HIVEP1: variants seen among roughly 807,000 people sequenced by gnomAD.
HIVEP1 encodes the protein HIVEP zinc finger 1.
In HIVEP1, 36 loss-of-function variants were observed where a neutral mutation model predicts 180.0. The ratio of observed to expected loss-of-function variants is 0.20; its 90% CI spans 0.15 to 0.26. The LOEUF (loss-of-function observed/expected upper bound fraction) is 0.26. Ranked by LOEUF, HIVEP1 falls within the 10% of genes least tolerant of loss-of-function variation. The pLI, the probability that HIVEP1 is intolerant of heterozygous loss-of-function variation, is 1.00. For missense variants in HIVEP1, 3,143 were observed against 3,268.7 expected (o/e 0.96, Z 0.94); for synonymous variants, 1,239 against 1,239.0 (o/e 1.00, Z 0.00).
intron 7 of HIVEP1, among the ~76,000 whole-genome samples, chr6:12,154,588 A>T (rs1490677136): frequency 1.3e-5 from 2 of 151,726 alleles, no homozygotes; most frequent in Non-Finnish European, 2.9e-5. Context: ...ATAGAATTGT[A>T]TGTTCATCAC....
intron 2 of HIVEP1, among the ~76,000 whole-genome samples, chr6:12,031,012 G>C (rs1175780996): frequency 6.6e-6 from 1 of 151,522 alleles, no homozygotes; most frequent in Non-Finnish European, 1.5e-5. Context: ...GCTCTGCCCA[G>C]GTTTGCTTTC....
chr6:12,177,893 A>C, the HIVEP1 span, among the ~76,000 whole-genome samples: 2 of 152,244 alleles, frequency 1.3e-5, no homozygotes, highest in Non-Finnish European at 2.9e-5. Flanking sequence ...TATTTAAAAG[A>C]ATTTGATTAA....
intron 2 of HIVEP1, among the ~76,000 whole-genome samples, chr6:12,042,354 T>G (rs1416246787): frequency 1.3e-5 from 2 of 148,424 alleles, no homozygotes; most frequent in Admixed American, 1.3e-4. Flanking sequence ...GTGCTGGGAT[T>G]ACAGGCGTGA....
downstream of HIVEP1, among the ~76,000 whole-genome samples, chr6:12,166,815 A>G (rs1760709892): frequency 6.6e-6 from 1 of 152,192 alleles, no homozygotes; most frequent in Non-Finnish European, 1.5e-5. Flanking sequence ...GGGTGCAATG[A>G]CATAGTAAGA....
the HIVEP1 span, among the ~76,000 whole-genome samples, chr6:12,176,065 G>T: frequency 6.6e-6 from 1 of 152,130 alleles, no homozygotes. Context: ...TGCATCTCCA[G>T]TTCTGCTGGG....
intron 2 of HIVEP1, among the ~76,000 whole-genome samples, chr6:12,039,798 G>A (rs1769550432): frequency 1.3e-5 from 2 of 152,148 alleles, no homozygotes; most frequent in South Asian, 4.1e-4. Context: ...AGGAACAAGG[G>A]GAAGAAGCTA....
chr6:12,068,792 A>AC (rs1179060767), intron 2 of HIVEP1, among the ~76,000 whole-genome samples: 1 of 152,188 alleles, frequency 6.6e-6, no homozygotes, highest in Non-Finnish European at 1.5e-5. Context: ...TATTATACAT[A>AC]CCTGTGTATT....
intron 3 of HIVEP1, among the ~76,000 whole-genome samples, chr6:12,102,741 A>G (rs192042587): frequency 6.6e-5 from 10 of 152,354 alleles, no homozygotes; most frequent in African/African-American, 2.4e-4. Flanking sequence ...TCAAGCAAGA[A>G]GCGCATTATT....
the HIVEP1 span, among the ~76,000 whole-genome samples, chr6:12,209,355 C>T: frequency 6.6e-6 from 1 of 152,166 alleles, no homozygotes; most frequent in African/African-American, 2.4e-5. Context: ...ATGGCGTGAA[C>T]CCGGGAGGCG....
chr6:12,013,807 A>G (rs1055301120), intron 1 of HIVEP1, among the ~76,000 whole-genome samples: 5 of 134,714 alleles, frequency 3.7e-5, no homozygotes, highest in African/African-American at 1.3e-4. Context: ...TGCTAGATGA[A>G]ATACTTAGAC....
At chr6:12,013,107 C>T (rs114292166) in intron 1 of HIVEP1, among the ~76,000 whole-genome samples, 7,061 of 152,100 alleles carry the variant, frequency 0.046, 517 homozygotes, top group African/African-American at 0.16. Context: ...GAGCAGGCGG[C>T]GAGGAGGAGT....
chr6:12,158,398 A>T (rs1456175074), intron 7 of HIVEP1, among the ~76,000 whole-genome samples: 1 of 152,216 alleles, frequency 6.6e-6, no homozygotes, highest in African/African-American at 2.4e-5. Flanking sequence ...GGGTTGGATC[A>T]CAAGAACATC....
intron 2 of HIVEP1, among the ~76,000 whole-genome samples, chr6:12,033,833 G>A (rs1050270151): frequency 2.0e-5 from 3 of 152,214 alleles, no homozygotes; most frequent in Admixed American, 1.3e-4. Flanking sequence ...GAGTACATTT[G>A]TTGTGGATAG....
chr6:12,119,452 C>T lies in HIVEP1; in HGVS notation c.95-438C>T, dbSNP rs1198072871. 3.3e-5 allele frequency among the ~76,000 whole-genome samples: 5 copies of T among 152,188 alleles called. No individual in the cohort carries two copies. In the East Asian group the frequency reaches 9.6e-4, roughly 29 times the overall value. On this transcript the variant is annotated intron_variant, in intron 3 of 8. Transcript: ENST00000379388. ...TTCCAACCAGCTTCAACCAGTCAAC[C>T]AGTTTTGTTACAAGCAGAGGGAGTT...
At chr6:12,210,103 A>C in the HIVEP1 span, among the ~76,000 whole-genome samples, 6 of 144,032 alleles carry the variant, frequency 4.2e-5, no homozygotes, top group Non-Finnish European at 6.1e-5. Flanking sequence ...ACTCTGTCTT[A>C]AAAAAAAAAA....
In HIVEP1 at chr6:12,123,835, T is replaced by C; in HGVS notation, c.4040T>C (p.Ile1347Thr). 1 of 1,614,158 alleles carries C rather than the reference T, an allele frequency of 6.2e-7. No individual in the cohort carries two copies. Among genetic ancestry groups the C allele is most frequent in the Non-Finnish European group, 8.5e-7 (1 of 1,179,996 alleles). Residue 1347 changes from isoleucine (I) to threonine (T), a missense_variant, in exon 4 of 9, where the codon ATT becomes ACT. This residue lies in a region of HIVEP1 where 1,357 missense variants were observed against 1,260.5 expected (regional missense o/e 1.08). Coordinates refer to ENST00000379388, the MANE Select transcript of HIVEP1 (RefSeq NM_002114.4). ...CTAAATAAAGCCGAGTTTCTTATGATTCCAGCTGGCTTGAATACTCTGAAT... is the reference window on the plus strand; with the variant it reads ...CTAAATAAAGCCGAGTTTCTTATGACTCCAGCTGGCTTGAATACTCTGAAT... ...DFLNKAEFLM[I>T]PAGLNTLNVP... is the part of the protein sequence containing the mutation.
intron 2 of HIVEP1, among the ~76,000 whole-genome samples, chr6:12,075,380 G>A (rs1436509044): frequency 6.6e-6 from 1 of 152,156 alleles, no homozygotes; most frequent in Non-Finnish European, 1.5e-5. Context: ...GACTCCTAGT[G>A]GTAGTTCAGA....
chr6:12,114,073 C>T (rs547103528), intron 3 of HIVEP1, among the ~76,000 whole-genome samples: 144 of 152,324 alleles, frequency 9.5e-4, no homozygotes, highest in African/African-American at 3.4e-3. Flanking sequence ...CTAAAGAAGA[C>T]TTCCCTTGCC....
chr6:12,060,741 C>T (rs1771171952), intron 2 of HIVEP1, among the ~76,000 whole-genome samples: 1 of 152,168 alleles, frequency 6.6e-6, no homozygotes, highest in South Asian at 2.1e-4. Context: ...TGTAAGTGGT[C>T]ACACAGATGG....
Sources: allele counts gnomAD v4.1 joint callset (sites outside exome capture counted in the v4.1 genomes callset), GRCh38; gene constraint gnomAD v4.1.1; regional missense constraint gnomAD v4.1.1; transcripts MANE v1.5; gene names NCBI Gene and HGNC (gene_info 2026-07-23, HGNC 2026-07-21).